The following SP6 variants were observed in gnomAD, a reference collection of about 807,000 sequenced individuals.
SP6 encodes transcription factor Sp6.
A neutral mutation model predicts 23.4 loss-of-function variants in SP6; 10 were observed. The ratio of observed to expected loss-of-function variants is 0.43; its 90% CI spans 0.26 to 0.72. The LOEUF (loss-of-function observed/expected upper bound fraction) is 0.72, where lower values mean the gene tolerates loss of function less well. Ranked by LOEUF, SP6 falls within the 30% of genes least tolerant of loss-of-function variation. The pLI, the probability that SP6 is intolerant of heterozygous loss-of-function variation, is 0.23. For synonymous variants in SP6, 238 were observed against 238.7 expected (o/e 1.00, Z 0.03); for missense variants, 482 against 523.8 (o/e 0.92, Z 0.78).
Position 47,847,366 on chromosome 17 carries a change from C to A in SP6, c.1064G>T (p.Gly355Val). The change falls in exon 2 of 2, where the codon GGC (glycine) becomes GTC (valine). Residue 355 changes from glycine to valine, a missense_variant. By Grantham distance (109) the Gly-to-Val change is moderately radical (BLOSUM62 -3). Around this residue, in one of 3 missense-constraint regions of SP6, gnomAD observed 101 missense variants for 99.3 expected, o/e 1.02. Transcript: ENST00000536300. Reference sequence around the variant, plus strand: ...TTTGCCCCCGGGGGGCTCCACTGCGCCGCCGGCCTTGCCCTCTCCCGAGGC... The same window carrying A: ...TTTGCCCCCGGGGGGCTCCACTGCGACGCCGGCCTTGCCCTCTCCCGAGGC... ...GAASGEGKAG[G>V]AVEPPGGKGK... The A allele has an allele frequency of 6.2e-7, 1 of 1,607,986 alleles. No individual in the cohort carries two copies. Among genetic ancestry groups the A allele is most frequent in the Non-Finnish European group, 8.5e-7 (1 of 1,177,416 alleles).
the SP6 span, among the ~76,000 whole-genome samples, chr17:47,872,486 C>G: frequency 6.6e-6 from 1 of 152,100 alleles, no homozygotes; most frequent in East Asian, 1.9e-4. Flanking sequence ...GCCCAGCGGA[C>G]GCAGGAGGCT....
chr17:47,868,956 G>A, the SP6 span, among the ~76,000 whole-genome samples: 2 of 152,224 alleles, frequency 1.3e-5, no homozygotes, highest in African/African-American at 2.4e-5. Context: ...GGTGGCATCG[G>A]CAGCTTATCC....
the SP6 span, among the ~76,000 whole-genome samples, chr17:47,863,647 C>A: frequency 1.3e-5 from 2 of 149,162 alleles, no homozygotes; most frequent in African/African-American, 4.9e-5. Flanking sequence ...CCGCTCACTG[C>A]AACCTCTGCC....
rs765767652 is a variant in SP6 at position 47,848,336 on chromosome 17, A to ACG, written c.93_94insCG (p.Tyr32ArgfsTer46). 3.1e-6 allele frequency: 5 copies of ACG among 1,607,998 alleles called. No individual in the cohort carries two copies. The East Asian group carries it at 1.1e-4, about 36-fold the overall frequency. On this transcript the variant is annotated frameshift_variant, in exon 2 of 2. Transcript: ENST00000536300. LOFTEE classifies it high-confidence loss of function. The surrounding 1 kb of genome is among the most constrained non-coding windows in gnomAD (Gnocchi z 5.3). ...GCCTCAGGGCTCGTGTGGCCCTGGT[A>ACG]AGTTTGGAGAGGCTGCAGGTCGAGG...
the SP6 span, among the ~76,000 whole-genome samples, chr17:47,873,686 G>C: frequency 5.7e-4 from 87 of 152,276 alleles, no homozygotes; most frequent in East Asian, 0.011. Flanking sequence ...TGCTGCCAAG[G>C]GTCCTTGAGC....
the SP6 span, among the ~76,000 whole-genome samples, chr17:47,863,070 G>A: frequency 6.6e-6 from 1 of 152,402 alleles, no homozygotes; most frequent in Non-Finnish European, 1.5e-5. Flanking sequence ...GGAGCCTGGT[G>A]TCTGCCTGCT....
chr17:47,862,480 C>G, the SP6 span, among the ~76,000 whole-genome samples: 1 of 148,456 alleles, frequency 6.7e-6, no homozygotes, highest in Non-Finnish European at 1.5e-5. Context: ...TGCACTCCAG[C>G]CTGGGCCACA....
chr17:47,868,385 G>A, the SP6 span, among the ~76,000 whole-genome samples: 3 of 152,226 alleles, frequency 2.0e-5, no homozygotes, highest in African/African-American at 7.2e-5. Flanking sequence ...AGCAGCACTC[G>A]AAGTGCTGGA....
the SP6 span, among the ~76,000 whole-genome samples, chr17:47,868,647 G>T: frequency 6.6e-6 from 1 of 152,136 alleles, no homozygotes; most frequent in Admixed American, 6.5e-5. Context: ...TCATGCATAC[G>T]CATAGACCCA....
intron 1 of SP6, among the ~76,000 whole-genome samples, chr17:47,850,538 C>T (rs1236946394): frequency 6.6e-6 from 1 of 152,168 alleles, no homozygotes; most frequent in African/African-American, 2.4e-5. Context: ...GGTTCACTTC[C>T]AGGCCTAGAA....
At chr17:47,851,891 C>T (rs1175532307), upstream of SP6, among the ~76,000 whole-genome samples, 1 of 151,886 alleles carries the variant, frequency 6.6e-6, no homozygotes, top group Admixed American at 6.6e-5. Flanking sequence ...CTGCTTCCCC[C>T]CTACTCTGGT....
the SP6 span, among the ~76,000 whole-genome samples, chr17:47,867,351 C>A: frequency 6.6e-6 from 1 of 152,040 alleles, no homozygotes; most frequent in Non-Finnish European, 1.5e-5. Flanking sequence ...ATGTCAGTGA[C>A]CCTGACTTGA....
rs1293117325 is a variant in SP6 at position 47,846,736 on chromosome 17, G to A, written c.*563C>T. The A allele has an allele frequency of 1.3e-5, 2 of 152,428 alleles. No individual in the cohort carries two copies. The highest frequency in any genetic ancestry group is 2.9e-5 in the Non-Finnish European group (2 of 68,220). The allele number at this position is 152,428 out of a possible 1,614,324, so 9.4% of individuals were successfully genotyped here. A position where few individuals can be genotyped will look rare whatever the true frequency, so the allele number is the denominator to read the frequency against. ...TTTACAGCAACAACCCTCCAAACCAGAAAGAGACACCCCTGCCAAGGGGGA... is the reference window on the plus strand; with the variant it reads ...TTTACAGCAACAACCCTCCAAACCAAAAAGAGACACCCCTGCCAAGGGGGA... On this transcript the variant is annotated 3_prime_UTR_variant, in exon 2 of 2. Coordinates refer to ENST00000536300, the MANE Select transcript of SP6 (RefSeq NM_001258248.2).
Position 47,846,694 on chromosome 17 carries a change from T to C in SP6, c.*605A>G, listed in dbSNP as rs2143644701. 6.6e-6 allele frequency: 1 copy of C among 152,242 alleles called. No individual in the cohort carries two copies. The highest frequency in any genetic ancestry group is 1.9e-4 in the East Asian group (1 of 5,170). 9.4% of individuals were successfully genotyped at this position (152,242 alleles called of 1,614,324 possible). ...GGTCTGAAAGGGTTAATAAGGAAGC[T>C]CATCAAAGGAGTTATTTTTACAGCA... On this transcript the variant is annotated 3_prime_UTR_variant, in exon 2 of 2. Transcript: ENST00000536300.
the SP6 span, among the ~76,000 whole-genome samples, chr17:47,861,171 C>T: frequency 2.6e-5 from 4 of 152,130 alleles, no homozygotes; most frequent in South Asian, 2.1e-4. Flanking sequence ...CCAGCTCCCC[C>T]GTCATTATCT....
At chr17:47,851,814 C>T (rs767513589), upstream of SP6, among the ~76,000 whole-genome samples, 20 of 151,194 alleles carry the variant, frequency 1.3e-4, no homozygotes, top group Non-Finnish European at 2.5e-4. Context: ...CGGGGTATCC[C>T]TCTCTGACCT....
In SP6 at chr17:47,846,235, G is replaced by A. The variant is rs2033883541; in HGVS notation, c.*1064C>T. ...GTTTATTTTCTTGGTGACAGCTAAA[G>A]AGATGGTCAGGTAGGCTGCAGGCCT... On this transcript the variant is annotated 3_prime_UTR_variant, in exon 2 of 2. Coordinates refer to ENST00000536300, the MANE Select transcript of SP6 (RefSeq NM_001258248.2). 6.6e-6 allele frequency: 1 copy of A among 152,256 alleles called. No homozygotes were observed. The highest frequency in any genetic ancestry group is 1.5e-5 in the Non-Finnish European group (1 of 68,072). 9.4% of individuals were successfully genotyped at this position (152,256 alleles called of 1,614,324 possible). A position where few individuals can be genotyped will look rare whatever the true frequency, so the allele number is the denominator to read the frequency against.
At chr17:47,869,693 G>C in the SP6 span, among the ~76,000 whole-genome samples, 3 of 152,224 alleles carry the variant, frequency 2.0e-5, no homozygotes, top group Non-Finnish European at 4.4e-5. Flanking sequence ...TTTGGAGTCA[G>C]AATAGAGATT....
chr17:47,859,687 T>C (rs1426423742), upstream of SP6, among the ~76,000 whole-genome samples: 3 of 152,100 alleles, frequency 2.0e-5, no homozygotes, highest in African/African-American at 4.8e-5. Context: ...CAAAGATCCA[T>C]GAAGTAAGCA....
Sources: allele counts gnomAD v4.1 joint callset (sites outside exome capture counted in the v4.1 genomes callset), GRCh38; gene constraint gnomAD v4.1.1; regional missense constraint gnomAD v4.1.1; non-coding constraint Gnocchi (gnomAD v3.1); transcripts MANE v1.5; gene names NCBI Gene and HGNC (gene_info 2026-07-23, HGNC 2026-07-21).